The following ANKMY1 variants were observed in gnomAD, a reference collection of about 807,000 sequenced individuals.
The protein encoded by ANKMY1 is ankyrin repeat and MYND domain containing 1.
Under a neutral mutation model 102.0 loss-of-function variants are expected in ANKMY1, and 98 were observed. That is an observed-to-expected ratio of 0.96 (90% CI 0.82 to 1.14). The LOEUF (loss-of-function observed/expected upper bound fraction) is 1.14. Ranked by LOEUF, ANKMY1 falls within the 50% of genes most tolerant of loss-of-function variation. The pLI, the probability that ANKMY1 is intolerant of heterozygous loss-of-function variation, is 0.00. For synonymous variants in ANKMY1, 582 were observed against 559.9 expected, an observed-to-expected ratio of 1.04 and a Z score of -0.56; for missense variants, 1,330 against 1,347.6, an observed-to-expected ratio of 0.99 and a Z score of 0.20.
intron 4 of ANKMY1, among the ~76,000 whole-genome samples, chr2:240,552,583 A>G (rs188137085): frequency 1.3e-5 from 2 of 152,320 alleles, no homozygotes; most frequent in Admixed American, 1.3e-4. Context: ...TCTGTATTTG[A>G]AAGACTAGGC....
chr2:240,481,451 G>A (rs2075377991), intron 16 of ANKMY1, among the ~76,000 whole-genome samples: 1 of 152,114 alleles, frequency 6.6e-6, no homozygotes, highest in African/African-American at 2.4e-5. Flanking sequence ...AATGTCTGTG[G>A]TACAGTGTTG....
upstream of ANKMY1, chr2:240,560,921 G>A (rs1188797346): frequency 3.3e-6 from 5 of 1,536,592 alleles, no homozygotes; most frequent in Non-Finnish European, 4.3e-6. Context: ...AGGACCTGCT[G>A]GCGCACCTGG....
chr2:240,480,694 G>A (rs2075279657), intron 17 of ANKMY1, among the ~76,000 whole-genome samples: 1 of 152,174 alleles, frequency 6.6e-6, no homozygotes, highest in Non-Finnish European at 1.5e-5. Context: ...TGCAGGGATG[G>A]GGTGGTGTCC....
At position 240,529,783 on chromosome 2, in the gene ANKMY1, T is replaced by C. The variant is rs1359559397; in HGVS notation, c.481-274A>G. On this transcript the variant is annotated intron_variant, in intron 4 of 17. Transcript: ENST00000401804. This position sits in a 1 kb window ranked among gnomAD's most constrained non-coding sequence, Gnocchi z 4.2. ...CTCAGTGGCCTCTGAGGTGAGGACA[T>C]GATGGAAGTCTCATGGTGAAAGCGT... Among the ~76,000 whole-genome samples the C allele has an allele frequency of 6.6e-6, 1 of 151,996 alleles. No individual in the cohort carries two copies. The highest frequency in any genetic ancestry group is 1.5e-5 in the Non-Finnish European group (1 of 68,008).
intron 4 of ANKMY1, among the ~76,000 whole-genome samples, chr2:240,536,632 T>C (rs993708789): frequency 5.9e-5 from 9 of 152,140 alleles, no homozygotes; most frequent in African/African-American, 1.9e-4. Flanking sequence ...CAAAAAACAA[T>C]TGAGCAGTAA....
At chr2:240,556,507 A>G (rs1182238240) in intron 2 of ANKMY1, among the ~76,000 whole-genome samples, 1 of 152,182 alleles carries the variant, frequency 6.6e-6, no homozygotes, top group East Asian at 1.9e-4. Context: ...CAATATTGCT[A>G]TAGATTACAC....
chr2:240,499,784 C>G lies in ANKMY1; in HGVS notation c.2806+174G>C, dbSNP rs910980657. ...CAGTCCAGACCCCACTTCTCAGTCT[C>G]TCCTGGACGAGCTCCTTGGACGACG... On this transcript the variant is annotated intron_variant, in intron 15 of 17. Transcript: ENST00000401804. The surrounding 1 kb of genome is among the most constrained non-coding windows in gnomAD (Gnocchi z 4.2). Among the ~76,000 whole-genome samples the G allele has an allele frequency of 6.6e-6, 1 of 152,152 alleles. No individual in the cohort carries two copies. Among genetic ancestry groups the G allele is most frequent in the African/African-American group, 2.4e-5 (1 of 41,422 alleles).
intron 4 of ANKMY1, chr2:240,552,646 G>A: frequency 2.1e-6 from 1 of 469,752 alleles, no homozygotes; most frequent in South Asian, 2.1e-5. Flanking sequence ...CAGTGATCCA[G>A]TTTACATATT....
intron 2 of ANKMY1, chr2:240,555,569 GC>G (rs2092239965): frequency 1.2e-5 from 2 of 166,038 alleles, no homozygotes; most frequent in Non-Finnish European, 2.6e-5. Flanking sequence ...ATGGATGGAT[GC>G]AGGGCTGGGG....
At chr2:240,488,901 TATC>T (rs1480571746) in intron 15 of ANKMY1, among the ~76,000 whole-genome samples, 1 of 152,220 alleles carries the variant, frequency 6.6e-6, no homozygotes, top group Non-Finnish European at 1.5e-5. Flanking sequence ...TATAGAATAA[TATC>T]ATCAGCAAAG....
At chr2:240,526,687 C>T (rs2083497798) in intron 5 of ANKMY1, 8 of 1,411,886 alleles carry the variant, frequency 5.7e-6, no homozygotes, top group Non-Finnish European at 5.5e-6. Context: ...TATGTCTGTC[C>T]CGACAGGAAT....
chr2:240,553,306 T>G, intron 3 of ANKMY1: 1 of 521,626 alleles, frequency 1.9e-6, no homozygotes, highest in South Asian at 2.1e-5. Flanking sequence ...GTGGGGAGGC[T>G]TAAAACTACC....
In ANKMY1 at chr2:240,517,308, G is replaced by A. The variant is rs116797058; in HGVS notation, c.2004+3054C>T. Among the ~76,000 whole-genome samples, 674 of 152,200 alleles carry A rather than the reference G, an allele frequency of 4.4e-3. 1 individual carries two copies. The highest frequency in any genetic ancestry group is 0.015 in the African/African-American group (642 of 41,536). On this transcript the variant is annotated intron_variant, in intron 9 of 17. Coordinates refer to ENST00000401804, the MANE Select transcript of ANKMY1 (RefSeq NM_001282771.3). The stretch of plus-strand genomic sequence containing the variant: ...CTATGCAATTCCTTTGCACACTTCC[G>A]GGCATGTGGTAAGTGGACCGTGTCA...
upstream of ANKMY1, chr2:240,560,865 C>A: frequency 7.3e-7 from 1 of 1,363,468 alleles, no homozygotes. Flanking sequence ...CCCGCGCGCG[C>A]CCGGCGTGGC....
chr2:240,479,234 C>T (rs926813246), downstream of ANKMY1, among the ~76,000 whole-genome samples: 6 of 152,208 alleles, frequency 3.9e-5, no homozygotes, highest in Admixed American at 1.3e-4. Flanking sequence ...CTCCAGAGAC[C>T]CAGGAGCTGC....
At chr2:240,560,768 C>G, upstream of ANKMY1, 2 of 1,464,814 alleles carry the variant, frequency 1.4e-6, no homozygotes, top group Non-Finnish European at 1.8e-6. Context: ...CACTCTTCCT[C>G]GGGAGCGCGC....
intron 13 of ANKMY1, among the ~76,000 whole-genome samples, chr2:240,501,790 T>G (rs974776639): frequency 6.6e-6 from 1 of 152,166 alleles, no homozygotes; most frequent in African/African-American, 2.4e-5. Flanking sequence ...CCCTGGCACA[T>G]GGGGGCATGG....
Position 240,506,071 on chromosome 2 carries a change from G to A in ANKMY1, c.2526+1489C>T, listed in dbSNP as rs2079016435. Among the ~76,000 whole-genome samples, 3 of 151,804 alleles carry A rather than the reference G, an allele frequency of 2.0e-5. No homozygotes were observed. Among genetic ancestry groups the A allele is most frequent in the African/African-American group, 7.3e-5 (3 of 41,326 alleles). The stretch of plus-strand genomic sequence containing the variant: ...CTAACCCCGGACAAGATGCTGGGGA[G>A]CCCCCTAACCCTGGACGAGGTGCTG... On this transcript the variant is annotated intron_variant, in intron 13 of 17. Transcript: ENST00000401804. The surrounding 1 kb of genome is among the most constrained non-coding windows in gnomAD (Gnocchi z 4.9).
At chr2:240,472,817 A>G in the ANKMY1 span, among the ~76,000 whole-genome samples, 1 of 152,348 alleles carries the variant, frequency 6.6e-6, no homozygotes, top group East Asian at 1.9e-4. Context: ...TATGAATAAT[A>G]AAGAATCAGG....
Sources: gnomAD v4.1 joint callset for allele counts (sites outside exome capture counted in the v4.1 genomes callset) on GRCh38, gnomAD v4.1.1 for gene constraint, Gnocchi (gnomAD v3.1) non-coding constraint, MANE v1.5 for transcripts, NCBI Gene and HGNC (gene_info 2026-07-23, HGNC 2026-07-21) for gene names.